HDAC9: variants seen among roughly 807,000 people sequenced by gnomAD.
The protein encoded by HDAC9 is MEF-2 interacting transcription repressor (MITR) protein.
Under a neutral mutation model 139.4 loss-of-function variants are expected in HDAC9, and 41 were observed. The observed-to-expected ratio is 0.29, with a 90% confidence interval of 0.23 to 0.38. The LOEUF (loss-of-function observed/expected upper bound fraction) is 0.38, where lower values mean the gene tolerates loss of function less well. Ranked by LOEUF, HDAC9 falls within the 10% of genes least tolerant of loss-of-function variation. HDAC9 has a pLI of 1.00. For missense variants in HDAC9, 1,147 were observed against 1,297.0 expected (o/e 0.88, Z 1.78); for synonymous variants, 517 against 476.2 (o/e 1.09, Z -1.12).
intron 19 of HDAC9, among the ~76,000 whole-genome samples, chr7:18,830,621 A>C (rs1305210310): frequency 6.6e-6 from 1 of 152,244 alleles, no homozygotes; most frequent in Non-Finnish European, 1.5e-5. Flanking sequence ...TGCTTAGTTA[A>C]GTGAAAACGA....
intron 1 of HDAC9, among the ~76,000 whole-genome samples, chr7:18,474,390 T>C (rs189341015): frequency 6.6e-6 from 1 of 152,334 alleles, no homozygotes; most frequent in African/African-American, 2.4e-5. Flanking sequence ...CCCTGTGGCA[T>C]GTGTTTTTTC....
chr7:18,858,257 C>G (rs887602171), intron 21 of HDAC9, among the ~76,000 whole-genome samples: 1 of 152,094 alleles, frequency 6.6e-6, no homozygotes, highest in African/African-American at 2.4e-5. Context: ...TGAAGAAATA[C>G]CCTAGACTGG....
intron 21 of HDAC9, 33 bp downstream of exon 21, chr7:18,836,030 T>C (rs1271760739): frequency 1.6e-6 from 2 of 1,243,040 alleles, no homozygotes; most frequent in Admixed American, 2.3e-5. Context: ...AAGTGGCAAA[T>C]TGGAAAATAA....
chr7:18,904,210 T>C (rs1346449599), intron 22 of HDAC9, among the ~76,000 whole-genome samples: 4 of 152,250 alleles, frequency 2.6e-5, no homozygotes, highest in Non-Finnish European at 5.9e-5. Flanking sequence ...TAAGGTTTTC[T>C]GCTTTACATA....
chr7:18,944,399 T>C (rs544290803), intron 23 of HDAC9, among the ~76,000 whole-genome samples: 7 of 152,312 alleles, frequency 4.6e-5, no homozygotes, highest in Admixed American at 2.6e-4. Flanking sequence ...TATAACATGT[T>C]GCTCTTATGC....
At chr7:18,889,016 C>T (rs1006288075) in intron 22 of HDAC9, among the ~76,000 whole-genome samples, 1 of 152,130 alleles carries the variant, frequency 6.6e-6, no homozygotes, top group Non-Finnish European at 1.5e-5. Flanking sequence ...CTATCTGTGG[C>T]GTATCATTCC....
intron 2 of HDAC9, among the ~76,000 whole-genome samples, chr7:18,524,905 AC>A (rs1806320473): frequency 6.8e-6 from 1 of 146,818 alleles, no homozygotes; most frequent in African/African-American, 2.5e-5. Flanking sequence ...CACACACATT[AC>A]AGATAAGTAT....
chr7:18,094,393 A>C (rs959068756), intron 1 of HDAC9, among the ~76,000 whole-genome samples: 1 of 151,880 alleles, frequency 6.6e-6, no homozygotes, highest in Admixed American at 6.6e-5. Flanking sequence ...TTAGCATGAC[A>C]CAAGTTCTTT....
At chr7:18,824,635 G>A (rs184706148) in intron 17 of HDAC9, among the ~76,000 whole-genome samples, 2 of 152,306 alleles carry the variant, frequency 1.3e-5, no homozygotes, top group Admixed American at 6.5e-5. Flanking sequence ...TGTATTGAAA[G>A]CAAAGAGTCA....
At chr7:18,416,971 G>A (rs1789129491) in intron 1 of HDAC9, among the ~76,000 whole-genome samples, 1 of 152,008 alleles carries the variant, frequency 6.6e-6, no homozygotes, top group South Asian at 2.1e-4. Flanking sequence ...TGTGCTTGGG[G>A]TTCGCTGAGA....
intron 1 of HDAC9, among the ~76,000 whole-genome samples, chr7:18,307,219 G>A (rs775247784): frequency 6.6e-6 from 1 of 151,468 alleles, no homozygotes; most frequent in Non-Finnish European, 1.5e-5. Context: ...CCTCATTTAT[G>A]AGCTTTGAGT....
At chr7:18,497,314 A>T (rs1797203490) in intron 2 of HDAC9, among the ~76,000 whole-genome samples, 1 of 152,150 alleles carries the variant, frequency 6.6e-6, no homozygotes, top group Non-Finnish European at 1.5e-5. Context: ...CCATGATAAG[A>T]ATGCCACATA....
At chr7:18,204,891 T>C (rs1207967021) in intron 2 of HDAC9, among the ~76,000 whole-genome samples, 1 of 152,062 alleles carries the variant, frequency 6.6e-6, no homozygotes, top group African/African-American at 2.4e-5. Flanking sequence ...CAAACTGTTG[T>C]AAAAGTTATA....
chr7:18,768,350 C>T (rs1585003487), intron 16 of HDAC9, among the ~76,000 whole-genome samples: 1 of 152,204 alleles, frequency 6.6e-6, no homozygotes, highest in East Asian at 1.9e-4. Context: ...CTTTAACAAT[C>T]TAGTCTCAGC....
At chr7:18,720,408 A>G (rs1785052623) in intron 12 of HDAC9, among the ~76,000 whole-genome samples, 1 of 151,218 alleles carries the variant, frequency 6.6e-6, no homozygotes, top group Non-Finnish European at 1.5e-5. Flanking sequence ...CCCAATTTAT[A>G]GTCTTCTTAA....
intron 21 of HDAC9, among the ~76,000 whole-genome samples, chr7:18,860,890 C>G (rs745495864): frequency 6.6e-6 from 1 of 152,062 alleles, no homozygotes; most frequent in Non-Finnish European, 1.5e-5. Context: ...GACCCTTGCC[C>G]GCTCTCCACA....
At chr7:18,266,423 T>G (rs183360417) in intron 2 of HDAC9, among the ~76,000 whole-genome samples, 1 of 152,090 alleles carries the variant, frequency 6.6e-6, no homozygotes, top group African/African-American at 2.4e-5. Context: ...ATGTTTTTTC[T>G]GTTTTTAAGA....
intron 1 of HDAC9, among the ~76,000 whole-genome samples, chr7:18,457,569 C>CAGCT: frequency 6.6e-6 from 1 of 152,238 alleles, no homozygotes; most frequent in East Asian, 1.9e-4. Context: ...TGCCCCTGTG[C>CAGCT]AGCTGACCCA....
chr7:18,550,165 G>T (rs746924891), intron 2 of HDAC9, among the ~76,000 whole-genome samples: 22 of 152,058 alleles, frequency 1.4e-4, no homozygotes, highest in Non-Finnish European at 1.6e-4. Context: ...TTTTTTAACA[G>T]ATTAGAACCT....
Sources: allele counts gnomAD v4.1 joint callset (sites outside exome capture counted in the v4.1 genomes callset), GRCh38; gene constraint gnomAD v4.1.1; transcripts MANE v1.5; gene names NCBI Gene and HGNC (gene_info 2026-07-23, HGNC 2026-07-21).